Variants in RPRML observed in about 807,000 individuals in gnomAD.
RPRML encodes the protein reprimo like.
RPRML carries 4 observed loss-of-function variants against 5.2 expected under a neutral mutation model. The ratio of observed to expected loss-of-function variants is 0.77; its 90% confidence interval spans 0.38 to 1.76. RPRML has a LOEUF of 1.76. Ranked by LOEUF, RPRML falls within the 40% of genes most tolerant of loss-of-function variation. RPRML has a pLI of 0.04. For synonymous variants in RPRML, 79 were observed against 89.1 expected, an observed-to-expected ratio of 0.89 and a Z score of 0.64; for missense variants, 181 against 177.7, an observed-to-expected ratio of 1.02 and a Z score of -0.11.
At position 46,978,933 on chromosome 17, in the gene RPRML, C is replaced by T. The variant is rs1375754851; in HGVS notation, c.75G>A (p.Leu25=). 1.4e-6 allele frequency: 2 copies of T among 1,457,810 alleles called. No homozygotes were observed. The highest frequency in any genetic ancestry group is 9.0e-7 in the Non-Finnish European group (1 of 1,113,742). 90.3% of individuals were successfully genotyped at this position (1,457,810 alleles called of 1,614,324 possible). A position where few individuals can be genotyped will look rare whatever the true frequency, so the allele number is the denominator to read the frequency against. Residue 25 remains leucine (L), a synonymous_variant, in exon 1 of 1, where the codon CTG becomes CTA. Coordinates refer to ENST00000322329, the MANE Select transcript of RPRML (RefSeq NM_203400.5). ...DGVGGGAGAA[L]GNRTHGLGTW... ...TGCCCAGCCCGTGGGTGCGGTTTCC[C>T]AGGGCGGCCCCGGCGCCGCCGCCCA...
At position 46,979,015 on chromosome 17, in the gene RPRML, C is replaced by T; in HGVS notation, c.-8G>A. On this transcript the variant is annotated 5_prime_UTR_variant, in exon 1 of 1. Coordinates refer to ENST00000322329, the MANE Select transcript of RPRML (RefSeq NM_203400.5). Reference sequence around the variant, plus strand: ...CAGGAAGGTCGCGTTCATCGCCGCGCGGCGCCGGGGGTCTCGGCGCGCAGT... The same window carrying T: ...CAGGAAGGTCGCGTTCATCGCCGCGTGGCGCCGGGGGTCTCGGCGCGCAGT... 7.1e-7 allele frequency: 1 copy of T among 1,399,138 alleles called. No homozygotes were observed. The highest frequency in any genetic ancestry group is 9.2e-7 in the Non-Finnish European group (1 of 1,089,364). 86.7% of individuals were successfully genotyped at this position (1,399,138 alleles called of 1,614,324 possible).
rs1343426453 is a variant in RPRML, at chr17:46,978,211, A to G, written c.*434T>C. The stretch of plus-strand genomic sequence containing the variant: ...GTTTTATTACAAGATTTCTTTCCAA[A>G]CGCAAGATCAGGCCAACAAGCTCAG... On this transcript the variant is annotated 3_prime_UTR_variant, in exon 1 of 1. Transcript: ENST00000322329. 2.7e-5 allele frequency: 5 copies of G among 188,158 alleles called. No individual in the cohort carries two copies. In the South Asian group the frequency reaches 6.6e-4, roughly 25 times the overall value. The allele number at this position is 188,158 out of a possible 1,614,324, so 11.7% of individuals were successfully genotyped here. A position where few individuals can be genotyped will look rare whatever the true frequency, so the allele number is the denominator to read the frequency against.
In RPRML at chr17:46,979,174, C is replaced by T. The variant is rs924348594; in HGVS notation, c.-167G>A. ...CCTGCGCGCTCTCGGGCCGCCTACC[C>T]CTGGGCACCGGGCGGGAAGCGACCG... On this transcript the variant is annotated 5_prime_UTR_variant, in exon 1 of 1. Transcript: ENST00000322329. The T allele has an allele frequency of 4.7e-5, 33 of 695,406 alleles. No homozygotes were observed. The Admixed American group carries it at 1.2e-3, about 26-fold the overall frequency. The allele number at this position is 695,406 out of a possible 1,614,324, so 43.1% of individuals were successfully genotyped here. A position where few individuals can be genotyped will look rare whatever the true frequency, so the allele number is the denominator to read the frequency against.
chr17:46,978,678 C>T lies in RPRML; in HGVS notation c.330G>A (p.Lys110=), dbSNP rs893059861. The T allele has an allele frequency of 1.2e-6, 2 of 1,610,374 alleles. No individual in the cohort carries two copies. The highest frequency in any genetic ancestry group is 1.7e-5 in the Admixed American group (1 of 59,718). ...GCCCCAGGATGGCTGCGCCCACGTCCTTGGAGGGCCGGCGCTCCTGCACCA... is the reference window on the plus strand; with the variant it reads ...GCCCCAGGATGGCTGCGCCCACGTCTTTGGAGGGCCGGCGCTCCTGCACCA... ...NFLVQERRPS[K]DVGAAILGLY Residue 110 remains lysine (K), a synonymous_variant, in exon 1 of 1, where the codon AAG becomes AAA. Coordinates refer to ENST00000322329, the MANE Select transcript of RPRML (RefSeq NM_203400.5).
chr17:46,979,164 G>T lies in RPRML; in HGVS notation c.-157C>A. On this transcript the variant is annotated 5_prime_UTR_variant, in exon 1 of 1. Coordinates refer to ENST00000322329, the MANE Select transcript of RPRML (RefSeq NM_203400.5). ...AGGCTGGCTGCCTGCGCGCTCTCGG[G>T]CCGCCTACCCCTGGGCACCGGGCGG... 1 of 790,546 alleles carries T rather than the reference G, an allele frequency of 1.3e-6. No homozygotes were observed. The highest frequency in any genetic ancestry group is 1.8e-6 in the Non-Finnish European group (1 of 562,690). 49.0% of individuals were successfully genotyped at this position (790,546 alleles called of 1,614,324 possible). A position where few individuals can be genotyped will look rare whatever the true frequency, so the allele number is the denominator to read the frequency against.
In RPRML at chr17:46,978,541, C is replaced by A; in HGVS notation, c.*104G>T. The stretch of plus-strand genomic sequence containing the variant: ...CCGCCCGGGCGCCCCAGGCACGTAG[C>A]TGCCCGCCCGGAGGCGGCGGCAGAG... On this transcript the variant is annotated 3_prime_UTR_variant, in exon 1 of 1. Transcript: ENST00000322329. The A allele has an allele frequency of 7.0e-7, 1 of 1,422,402 alleles. No homozygotes were observed. Among genetic ancestry groups the A allele is most frequent in the Non-Finnish European group, 9.3e-7 (1 of 1,073,612 alleles). The allele number at this position is 1,422,402 out of a possible 1,614,324, so 88.1% of individuals were successfully genotyped here.
rs1227828894 is a variant in RPRML, at chr17:46,978,337, A to G, written c.*308T>C. ...CCCACGCGAGCGACCGCAGTCCCAAATTGCATCTCCATACCCACTCCCACC... is the reference window on the plus strand; with the variant it reads ...CCCACGCGAGCGACCGCAGTCCCAAGTTGCATCTCCATACCCACTCCCACC... On this transcript the variant is annotated 3_prime_UTR_variant, in exon 1 of 1. Coordinates refer to ENST00000322329, the MANE Select transcript of RPRML (RefSeq NM_203400.5). 1 of 385,520 alleles carries G rather than the reference A, an allele frequency of 2.6e-6. No homozygotes were observed. Among genetic ancestry groups the G allele is most frequent in the East Asian group, 5.0e-5 (1 of 20,130 alleles). The allele number at this position is 385,520 out of a possible 1,614,324, so 23.9% of individuals were successfully genotyped here.
Position 46,979,043 on chromosome 17 carries a change from C to G in RPRML, c.-36G>C. On this transcript the variant is annotated 5_prime_UTR_variant, in exon 1 of 1. Coordinates refer to ENST00000322329, the MANE Select transcript of RPRML (RefSeq NM_203400.5). ...CGCCGGGGGTCTCGGCGCGCAGTCC[C>G]GGGTGCACTGGGCTGCTCGCCGGGG... is the stretch of plus-strand genomic sequence containing the variant. 7.3e-7 allele frequency: 1 copy of G among 1,371,674 alleles called. No homozygotes were observed. Among genetic ancestry groups the G allele is most frequent in the Non-Finnish European group, 9.3e-7 (1 of 1,074,222 alleles). The allele number at this position is 1,371,674 out of a possible 1,614,324, so 85.0% of individuals were successfully genotyped here. A position where few individuals can be genotyped will look rare whatever the true frequency, so the allele number is the denominator to read the frequency against.
rs978038701 is a variant in RPRML, at chr17:46,979,106, G to A, written c.-99C>T. 8.4e-7 allele frequency: 1 copy of A among 1,188,426 alleles called. No homozygotes were observed. The highest frequency in any genetic ancestry group is 1.1e-6 in the Non-Finnish European group (1 of 927,998). 73.6% of individuals were successfully genotyped at this position (1,188,426 alleles called of 1,614,324 possible). A position where few individuals can be genotyped will look rare whatever the true frequency, so the allele number is the denominator to read the frequency against. ...GGGACGCTCCGGACCCCTCGGACCG[G>A]CTCCTGCGGTACGGGGAGGGGACGA... On this transcript the variant is annotated 5_prime_UTR_variant, in exon 1 of 1. Transcript: ENST00000322329.
In RPRML at chr17:46,978,887, CT is replaced by C. The variant is rs1318545740; in HGVS notation, c.120del (p.Gly42AlafsTer57). 6.5e-7 allele frequency: 1 copy of C among 1,538,884 alleles called. No homozygotes were observed. Among genetic ancestry groups the C allele is most frequent in the Non-Finnish European group, 8.7e-7 (1 of 1,147,962 alleles). On this transcript the variant is annotated frameshift_variant, in exon 1 of 1. Transcript: ENST00000322329. LOFTEE classifies it high-confidence loss of function. Reference protein sequence around the residue: ...HGLGTWLGCCPGGAPLAASDG... With the variant: ...HGLGTWLGCCXGGAPLAASDG... ...TCGCTGGCGGCCAGCGGTGCGCCCCCTGGACAGCAGCCCAGCCACGTGCCCA... is the reference window on the plus strand; with the variant it reads ...TCGCTGGCGGCCAGCGGTGCGCCCCCGGACAGCAGCCCAGCCACGTGCCCA...
Position 46,978,520 on chromosome 17 carries a change from C to T in RPRML, c.*125G>A. ...GCCGACAGTCTCGCCGCGTCCCCGC[C>T]CGGGCGCCCCAGGCACGTAGCTGCC... On this transcript the variant is annotated 3_prime_UTR_variant, in exon 1 of 1. Transcript: ENST00000322329. The T allele has an allele frequency of 2.4e-6, 3 of 1,226,612 alleles. No individual in the cohort carries two copies. The highest frequency in any genetic ancestry group is 3.3e-6 in the Non-Finnish European group (3 of 913,148). The allele number at this position is 1,226,612 out of a possible 1,614,324, so 76.0% of individuals were successfully genotyped here.
rs1172923426 is a variant in RPRML at position 46,978,943 on chromosome 17, C to T, written c.65G>A (p.Gly22Glu). 6.9e-7 allele frequency: 1 copy of T among 1,455,084 alleles called. No individual in the cohort carries two copies. Among genetic ancestry groups the T allele is most frequent in the East Asian group, 3.0e-5 (1 of 33,208 alleles). 90.1% of individuals were successfully genotyped at this position (1,455,084 alleles called of 1,614,324 possible). Residue 22 changes from glycine to glutamate, a missense_variant, in exon 1 of 1, where the codon GGG becomes GAG. Gly to Glu is a moderately conservative substitution (Grantham distance 98, BLOSUM62 -2). Coordinates refer to ENST00000322329, the MANE Select transcript of RPRML (RefSeq NM_203400.5). ...EEVDGVGGGA[G>E]AALGNRTHGL... is the part of the protein sequence containing the mutation. The stretch of plus-strand genomic sequence containing the variant: ...GTGGGTGCGGTTTCCCAGGGCGGCC[C>T]CGGCGCCGCCGCCCACGCCGTCCAC...
At position 46,978,342 on chromosome 17, in the gene RPRML, A is replaced by G. The variant is rs1293272509; in HGVS notation, c.*303T>C. 2.6e-6 allele frequency: 1 copy of G among 391,750 alleles called. No homozygotes were observed. Among genetic ancestry groups the G allele is most frequent in the East Asian group, 4.8e-5 (1 of 20,638 alleles). 24.3% of individuals were successfully genotyped at this position (391,750 alleles called of 1,614,324 possible). On this transcript the variant is annotated 3_prime_UTR_variant, in exon 1 of 1. Coordinates refer to ENST00000322329, the MANE Select transcript of RPRML (RefSeq NM_203400.5). ...GCGAGCGACCGCAGTCCCAAATTGC[A>G]TCTCCATACCCACTCCCACCCTGCC...
At position 46,978,543 on chromosome 17, in the gene RPRML, G is replaced by C; in HGVS notation, c.*102C>G. ...GCCCGGGCGCCCCAGGCACGTAGCTGCCCGCCCGGAGGCGGCGGCAGAGCG... is the reference window on the plus strand; with the variant it reads ...GCCCGGGCGCCCCAGGCACGTAGCTCCCCGCCCGGAGGCGGCGGCAGAGCG... On this transcript the variant is annotated 3_prime_UTR_variant, in exon 1 of 1. Coordinates refer to ENST00000322329, the MANE Select transcript of RPRML (RefSeq NM_203400.5). The C allele has an allele frequency of 7.0e-7, 1 of 1,428,852 alleles. No homozygotes were observed. Among genetic ancestry groups the C allele is most frequent in the Non-Finnish European group, 9.3e-7 (1 of 1,078,896 alleles). 88.5% of individuals were successfully genotyped at this position (1,428,852 alleles called of 1,614,324 possible). A position where few individuals can be genotyped will look rare whatever the true frequency, so the allele number is the denominator to read the frequency against.
At position 46,979,204 on chromosome 17, in the gene RPRML, G is replaced by A. The variant is rs2091471659; in HGVS notation, c.-197C>T. On this transcript the variant is annotated 5_prime_UTR_variant, in exon 1 of 1. Transcript: ENST00000322329. ...GCACCGGGCGGGAAGCGACCGCCCG[G>A]AGGAGCGAGCAACAGGCGGCGCAGG... 1 of 469,838 alleles carries A rather than the reference G, an allele frequency of 2.1e-6. No individual in the cohort carries two copies. Among genetic ancestry groups the A allele is most frequent in the Admixed American group, 4.5e-5 (1 of 22,070 alleles). The allele number at this position is 469,838 out of a possible 1,614,324, so 29.1% of individuals were successfully genotyped here.
chr17:46,978,272 C>T lies in RPRML; in HGVS notation c.*373G>A. ...GCTTCACATCTTCACCCACTCGCACCGTGTTCCGAACCCACCCGCACCAAC... is the reference window on the plus strand; with the variant it reads ...GCTTCACATCTTCACCCACTCGCACTGTGTTCCGAACCCACCCGCACCAAC... On this transcript the variant is annotated 3_prime_UTR_variant, in exon 1 of 1. Transcript: ENST00000322329. The T allele has an allele frequency of 3.6e-6, 1 of 275,216 alleles. No individual in the cohort carries two copies. Among genetic ancestry groups the T allele is most frequent in the Non-Finnish European group, 6.7e-6 (1 of 148,574 alleles). The allele number at this position is 275,216 out of a possible 1,614,324, so 17.0% of individuals were successfully genotyped here.
At position 46,978,900 on chromosome 17, in the gene RPRML, C is replaced by T. The variant is rs547035848; in HGVS notation, c.108G>A (p.Leu36=). 5.8e-4 allele frequency: 862 copies of T among 1,498,214 alleles called. 3 individuals are homozygous for T. In the African/African-American group the frequency reaches 0.011, roughly 19 times the overall value. 92.8% of individuals were successfully genotyped at this position (1,498,214 alleles called of 1,614,324 possible). Residue 36 remains leucine, a synonymous_variant, in exon 1 of 1, where the codon CTG becomes CTA. Coordinates refer to ENST00000322329, the MANE Select transcript of RPRML (RefSeq NM_203400.5). ...GNRTHGLGTW[L]GCCPGGAPLA... is the part of the protein sequence containing the mutation. ...GCGGTGCGCCCCCTGGACAGCAGCC[C>T]AGCCACGTGCCCAGCCCGTGGGTGC...
rs2091471159 is a variant in RPRML, at chr17:46,979,166, C to G, written c.-159G>C. On this transcript the variant is annotated 5_prime_UTR_variant, in exon 1 of 1. Transcript: ENST00000322329. ...GCTGGCTGCCTGCGCGCTCTCGGGCCGCCTACCCCTGGGCACCGGGCGGGA... is the reference window on the plus strand; with the variant it reads ...GCTGGCTGCCTGCGCGCTCTCGGGCGGCCTACCCCTGGGCACCGGGCGGGA... The G allele has an allele frequency of 1.3e-6, 1 of 772,144 alleles. No individual in the cohort carries two copies. Among genetic ancestry groups the G allele is most frequent in the African/African-American group, 1.8e-5 (1 of 54,116 alleles). 47.8% of individuals were successfully genotyped at this position (772,144 alleles called of 1,614,324 possible).
chr17:46,978,822 C>T lies in RPRML; in HGVS notation c.186G>A (p.Leu62=), dbSNP rs775132076. 3 of 1,609,126 alleles carry T rather than the reference C, an allele frequency of 1.9e-6. No homozygotes were observed. In the Admixed American group the frequency reaches 5.0e-5, roughly 27 times the overall value. Residue 62 remains leucine, a synonymous_variant, in exon 1 of 1, where the codon CTG becomes CTA. Coordinates refer to ENST00000322329, the MANE Select transcript of RPRML (RefSeq NM_203400.5). ...CGATCTGCGCCACCCGCGACACCCA[C>T]AGGCTGCGCTCGTCGGGCGCCAGCC... The part of the protein sequence containing the change: ...PAGLAPDERS[L]WVSRVAQIAV...
Sources: gnomAD v4.1 joint callset for allele counts on GRCh38, gnomAD v4.1.1 for gene constraint, MANE v1.5 for transcripts, NCBI Gene and HGNC (gene_info 2026-07-23, HGNC 2026-07-21) for gene names.